The following ARHGAP6 variants were observed in gnomAD, a reference collection of about 807,000 sequenced individuals.
The protein encoded by ARHGAP6 is rho GTPase-activating protein 6.
In ARHGAP6, 16 loss-of-function variants were observed where a neutral mutation model predicts 55.7. The observed-to-expected ratio is 0.29, with a 90% CI of 0.19 to 0.44. The LOEUF is 0.44. Among genes scored for constraint, ARHGAP6 ranks in the 20% least tolerant of loss-of-function variants. The pLI is 1.00. For missense variants in ARHGAP6, 698 were observed against 808.9 expected, an observed-to-expected ratio of 0.86 and a Z score of 1.66; for synonymous variants, 382 against 360.9, an observed-to-expected ratio of 1.06 and a Z score of -0.66.
chrX:11,665,702 T>G lies in ARHGAP6; in HGVS notation c.-874A>C, dbSNP rs1375820810. 5 of 112,791 alleles carry G rather than the reference T, an allele frequency of 4.4e-5. No homozygotes were observed. The Admixed American group carries it at 4.6e-4, about 10-fold the overall frequency. 9.3% of individuals were successfully genotyped at this position (112,791 alleles called of 1,213,427 possible). A position where few individuals can be genotyped will look rare whatever the true frequency, so the allele number is the denominator to read the frequency against. ...GGAACACGCTATTCGCAGCCCAGCC[T>G]TGGGCCCAGGGCAGACGCGGAGATG... is the stretch of plus-strand genomic sequence containing the variant. On this transcript the variant is annotated 5_prime_UTR_variant, in exon 1 of 13. Coordinates refer to ENST00000337414, the MANE Select transcript of ARHGAP6 (RefSeq NM_013427.3).
intron 1 of ARHGAP6, among the ~76,000 whole-genome samples, chrX:11,421,131 C>G (rs2049818485): frequency 8.9e-6 from 1 of 112,040 alleles, no homozygotes; most frequent in Non-Finnish European, 1.9e-5. Flanking sequence ...CTGTTCATAA[C>G]TGTGACTCAC....
At chrX:11,347,867 C>T (rs1406941334) in intron 1 of ARHGAP6, among the ~76,000 whole-genome samples, 1 of 87,815 alleles carries the variant, frequency 1.1e-5, no homozygotes, top group African/African-American at 4.3e-5. Flanking sequence ...ATTAAATGAG[C>T]TACAATCCTG....
At chrX:11,591,160 C>G (rs12388396) in intron 1 of ARHGAP6, among the ~76,000 whole-genome samples, 20,089 of 107,195 alleles carry the variant, frequency 0.19, 1,535 homozygotes, top group Middle Eastern at 0.27. Flanking sequence ...CCACTGCACT[C>G]CAGCCTGGGT....
At chrX:11,163,423 A>G (rs1409593562) in intron 9 of ARHGAP6, among the ~76,000 whole-genome samples, 1 of 111,609 alleles carries the variant, frequency 9.0e-6, no homozygotes, top group Non-Finnish European at 1.9e-5. Flanking sequence ...ACCACAATAA[A>G]CCATTAAGGG....
intron 1 of ARHGAP6, among the ~76,000 whole-genome samples, chrX:11,263,438 C>T (rs756321740): frequency 1.8e-5 from 2 of 111,619 alleles, no homozygotes; most frequent in African/African-American, 6.5e-5. Context: ...TATGGTGATA[C>T]AAGAAGGACC....
intron 1 of ARHGAP6, among the ~76,000 whole-genome samples, chrX:11,352,982 A>AACT (rs2048882170): frequency 9.0e-6 from 1 of 111,558 alleles, no homozygotes; most frequent in Admixed American, 9.6e-5. Context: ...GACCTTTAGA[A>AACT]ATGCCTTCAA....
intron 8 of ARHGAP6, among the ~76,000 whole-genome samples, chrX:11,176,257 A>ATATTTT (rs1555965245): frequency 1.6e-4 from 12 of 75,266 alleles, no homozygotes; most frequent in African/African-American, 5.6e-4. Flanking sequence ...ATATATATAT[A>ATATTTT]TATATATTTG....
intron 1 of ARHGAP6, among the ~76,000 whole-genome samples, chrX:11,319,201 T>C (rs1222158571): frequency 8.9e-6 from 1 of 112,458 alleles, no homozygotes; most frequent in African/African-American, 3.2e-5. Context: ...TATTTATATC[T>C]GTATTTGTAT....
At chrX:11,550,623 C>G (rs2051256972) in intron 1 of ARHGAP6, among the ~76,000 whole-genome samples, 1 of 111,740 alleles carries the variant, frequency 8.9e-6, no homozygotes. Context: ...AGATGTCAGT[C>G]TGAAGAATGC....
chrX:11,424,228 A>G (rs780103895), intron 1 of ARHGAP6, among the ~76,000 whole-genome samples: 1 of 112,339 alleles, frequency 8.9e-6, no homozygotes, highest in East Asian at 2.8e-4. Context: ...TTCTGTCAGC[A>G]GCGACACATG....
At chrX:11,442,976 T>C (rs1375651735) in intron 1 of ARHGAP6, among the ~76,000 whole-genome samples, 1 of 112,094 alleles carries the variant, frequency 8.9e-6, no homozygotes, top group African/African-American at 3.2e-5. Context: ...AAACTCTTTA[T>C]TGAAATACAA....
At chrX:11,189,071 G>T in intron 3 of ARHGAP6, 87 bp from the exon 4 acceptor site, 1 of 1,033,490 alleles carries the variant, frequency 9.7e-7, no homozygotes. Context: ...AGTAAGAACA[G>T]ACATATTCAA....
At chrX:11,163,345 G>A (rs990393211) in intron 9 of ARHGAP6, among the ~76,000 whole-genome samples, 6 of 111,960 alleles carry the variant, frequency 5.4e-5, no homozygotes, top group Non-Finnish European at 1.1e-4. Flanking sequence ...CTGCTATGAG[G>A]TAGTTTATTC....
At chrX:11,550,573 C>T (rs751013921) in intron 1 of ARHGAP6, among the ~76,000 whole-genome samples, 2 of 111,856 alleles carry the variant, frequency 1.8e-5, no homozygotes, top group Non-Finnish European at 3.8e-5. Flanking sequence ...AGGCTGAGAA[C>T]TACTTGTTTG....
At chrX:11,522,515 A>T (rs2050941494) in intron 1 of ARHGAP6, among the ~76,000 whole-genome samples, 1 of 111,373 alleles carries the variant, frequency 9.0e-6, no homozygotes, top group African/African-American at 3.3e-5. Flanking sequence ...GAAAAGAGAG[A>T]AGAATCAAAT....
intron 1 of ARHGAP6, among the ~76,000 whole-genome samples, chrX:11,542,926 G>C (rs1398040843): frequency 9.0e-6 from 1 of 111,279 alleles, no homozygotes; most frequent in Non-Finnish European, 1.9e-5. Flanking sequence ...CAAAATATCA[G>C]CTAGCGCACA....
intron 1 of ARHGAP6, among the ~76,000 whole-genome samples, chrX:11,504,380 C>T: frequency 9.0e-6 from 1 of 111,072 alleles, no homozygotes; most frequent in South Asian, 3.8e-4. Context: ...AGCAATATCC[C>T]TGACCTCTTC....
At chrX:11,369,248 T>G (rs1216961364) in intron 1 of ARHGAP6, among the ~76,000 whole-genome samples, 1 of 111,085 alleles carries the variant, frequency 9.0e-6, no homozygotes, top group African/African-American at 3.3e-5. Flanking sequence ...TTCAGACTAC[T>G]GGGCAGGGGT....
chrX:11,388,384 C>T (rs2049358884), intron 1 of ARHGAP6, among the ~76,000 whole-genome samples: 1 of 111,800 alleles, frequency 8.9e-6, no homozygotes, highest in African/African-American at 3.3e-5. Flanking sequence ...ATCCTTCACC[C>T]ACTTGTTGAT....
Sources: gnomAD v4.1 joint callset for allele counts (sites outside exome capture counted in the v4.1 genomes callset) on GRCh38, gnomAD v4.1.1 for gene constraint, MANE v1.5 for transcripts, NCBI Gene and HGNC (gene_info 2026-07-23, HGNC 2026-07-21) for gene names.